Variants in QKI observed in about 807,000 individuals in gnomAD.
QKI encodes KH domain-containing RNA-binding protein QKI.
A neutral mutation model predicts 39.0 loss-of-function variants in QKI; 10 were observed. That is an observed-to-expected ratio of 0.26 (90% CI 0.16 to 0.43). The LOEUF is 0.43. Among genes scored for constraint, QKI ranks in the 20% least tolerant of loss-of-function variants. The pLI is 1.00. For missense variants in QKI, 218 were observed against 428.0 expected, an observed-to-expected ratio of 0.51 and a Z score of 4.33; for synonymous variants, 204 against 155.4, an observed-to-expected ratio of 1.31 and a Z score of -2.33.
intron 3 of QKI, among the ~76,000 whole-genome samples, chr6:163,506,286 A>C (rs899907241): frequency 6.6e-6 from 1 of 152,218 alleles, no homozygotes; most frequent in African/African-American, 2.4e-5. Context: ...AATTGAATTG[A>C]CATTTCAGTT....
At chr6:163,475,517 G>C (rs1341103554) in intron 2 of QKI, among the ~76,000 whole-genome samples, 1 of 152,078 alleles carries the variant, frequency 6.6e-6, no homozygotes, top group Non-Finnish European at 1.5e-5. Context: ...GTGAATTTTG[G>C]TGTTTGTGTG....
At chr6:163,438,238 G>T (rs905556505) in intron 1 of QKI, among the ~76,000 whole-genome samples, 1 of 152,126 alleles carries the variant, frequency 6.6e-6, no homozygotes, top group Non-Finnish European at 1.5e-5. Context: ...ATAATGATCA[G>T]ATCAGTAGAT....
intron 3 of QKI, among the ~76,000 whole-genome samples, chr6:163,509,236 G>A (rs1779288282): frequency 6.6e-6 from 1 of 152,050 alleles, no homozygotes; most frequent in South Asian, 2.1e-4. Context: ...AAAAATAAAG[G>A]TGAAAGAAAG....
intron 1 of QKI, among the ~76,000 whole-genome samples, chr6:163,433,721 C>T (rs1789018857): frequency 6.6e-6 from 1 of 151,900 alleles, no homozygotes; most frequent in Non-Finnish European, 1.5e-5. Context: ...GAGCTGAGAC[C>T]ACGCCATTGC....
intron 6 of QKI, chr6:163,565,519 T>G: frequency 1.0e-6 from 1 of 989,176 alleles, no homozygotes; most frequent in Non-Finnish European, 1.2e-6. Flanking sequence ...TGTTTCTCAT[T>G]GTAAAGCTTC....
rs1346101397 is a variant in QKI, at chr6:163,565,193, A to C, written c.934+1474A>C. 3.0e-6 allele frequency: 3 copies of C among 991,222 alleles called. No individual in the cohort carries two copies. In the African/African-American group the frequency reaches 5.2e-5, roughly 17 times the overall value. 61.4% of individuals were successfully genotyped at this position (991,222 alleles called of 1,614,324 possible). On this transcript the variant is annotated intron_variant, in intron 6 of 7. Transcript: ENST00000361752. ...ACATTTCTTGAAGCATTTTTAAAAT[A>C]ACATGTAACCTGTAACCTTGTTGTT...
At chr6:163,497,114 A>C (rs1778457896) in intron 3 of QKI, among the ~76,000 whole-genome samples, 1 of 152,222 alleles carries the variant, frequency 6.6e-6, no homozygotes, top group Non-Finnish European at 1.5e-5. Flanking sequence ...ATTATTTTGC[A>C]TAAAGACATT....
intron 3 of QKI, among the ~76,000 whole-genome samples, chr6:163,499,055 G>C (rs2128230925): frequency 6.6e-6 from 1 of 152,226 alleles, no homozygotes; most frequent in East Asian, 1.9e-4. Context: ...AACTATCAAA[G>C]GGCAAGGGTG....
intron 2 of QKI, among the ~76,000 whole-genome samples, chr6:163,467,070 T>A (rs1225224541): frequency 6.6e-6 from 1 of 151,500 alleles, no homozygotes; most frequent in Non-Finnish European, 1.5e-5. Context: ...TCACCCAATT[T>A]AAAAATAGGC....
intron 1 of QKI, among the ~76,000 whole-genome samples, chr6:163,425,569 CT>C (rs1193788338): frequency 5.9e-5 from 9 of 152,220 alleles, no homozygotes; most frequent in African/African-American, 2.2e-4. Flanking sequence ...GTGGCTAACC[CT>C]TTAGGAAAAT....
chr6:163,562,867 C>A (rs1783119897), intron 5 of QKI, among the ~76,000 whole-genome samples: 1 of 152,122 alleles, frequency 6.6e-6, no homozygotes, highest in African/African-American at 2.4e-5. Context: ...GTGAGTATAT[C>A]ATTAATAGGA....
In QKI at chr6:163,572,117, T is replaced by G. The variant is rs1783728603; in HGVS notation, c.*1407T>G. The G allele has an allele frequency of 6.6e-6, 1 of 152,232 alleles. No individual in the cohort carries two copies. The highest frequency in any genetic ancestry group is 1.5e-5 in the Non-Finnish European group (1 of 68,038). The allele number at this position is 152,232 out of a possible 1,614,324, so 9.4% of individuals were successfully genotyped here. On this transcript the variant is annotated 3_prime_UTR_variant, in exon 8 of 8. Transcript: ENST00000361752. ...TAGTAAGTTTTAAAACATCATTCTT[T>G]AAAAGAATAGTTTAATACTTTTGGT...
At chr6:163,439,355 C>CG (rs545402591) in intron 1 of QKI, among the ~76,000 whole-genome samples, 2,338 of 103,202 alleles carry the variant, frequency 0.023, 107 homozygotes, top group African/African-American at 0.075. Flanking sequence ...TTTTTTTTTT[C>CG]GGGGGGGTGG....
chr6:163,421,268 T>C (rs989817341), intron 1 of QKI, among the ~76,000 whole-genome samples: 2 of 152,160 alleles, frequency 1.3e-5, no homozygotes, highest in African/African-American at 4.8e-5. Flanking sequence ...TTTACTGTCA[T>C]TGTTGGGAAG....
chr6:163,539,373 C>G (rs1230589745), intron 4 of QKI, among the ~76,000 whole-genome samples: 1 of 152,040 alleles, frequency 6.6e-6, no homozygotes, highest in Non-Finnish European at 1.5e-5. Flanking sequence ...GAAAGAATGG[C>G]ACAAGAGGAA....
At chr6:163,439,740 C>T (rs1156812694) in intron 1 of QKI, among the ~76,000 whole-genome samples, 2 of 150,884 alleles carry the variant, frequency 1.3e-5, no homozygotes, top group Admixed American at 1.3e-4. Flanking sequence ...ACCTCCATCT[C>T]CAGGGTGTGA....
chr6:163,418,644 A>T (rs1231855390), intron 1 of QKI, among the ~76,000 whole-genome samples: 1 of 152,252 alleles, frequency 6.6e-6, no homozygotes, highest in South Asian at 2.1e-4. Flanking sequence ...TTTATTGAAG[A>T]TAGAGATGAT....
intron 1 of QKI, among the ~76,000 whole-genome samples, chr6:163,421,422 A>G (rs1160686203): frequency 6.6e-6 from 1 of 152,218 alleles, no homozygotes; most frequent in East Asian, 1.9e-4. Context: ...ATGGAATTAT[A>G]TAGGTAAACT....
At chr6:163,489,424 CTGTGTGTGTG>C (rs66826538) in intron 3 of QKI, among the ~76,000 whole-genome samples, 97,432 of 148,912 alleles carry the variant, frequency 0.65, 33,179 homozygotes, top group East Asian at 0.97. Context: ...AGAAGTTATG[CTGTGTGTGTG>C]TGTGTGTGTG....
Sources: gnomAD v4.1 joint callset for allele counts (sites outside exome capture counted in the v4.1 genomes callset) on GRCh38, gnomAD v4.1.1 for gene constraint, MANE v1.5 for transcripts, NCBI Gene and HGNC (gene_info 2026-07-23, HGNC 2026-07-21) for gene names.